The following PLCG2 variants were observed in gnomAD, a reference collection of about 807,000 sequenced individuals.
PLCG2 encodes phospholipase C gamma 2.
A neutral mutation model predicts 175.6 loss-of-function variants in PLCG2; 69 were observed. That is an observed-to-expected ratio of 0.39 (90% CI 0.32 to 0.48). The LOEUF (loss-of-function observed/expected upper bound fraction) is 0.48, where lower values mean the gene tolerates loss of function less well. PLCG2 is among the 20% of genes least tolerant of loss of function. PLCG2 has a pLI of 0.91. For synonymous variants in PLCG2, 827 were observed against 624.0 expected, an observed-to-expected ratio of 1.33 and a Z score of -4.85; for missense variants, 1,798 against 1,650.9, an observed-to-expected ratio of 1.09 and a Z score of -1.54.
At chr16:81,774,271 G>A (rs1431390567) in intron 2 of PLCG2, among the ~76,000 whole-genome samples, 1 of 149,520 alleles carries the variant, frequency 6.7e-6, no homozygotes, top group Non-Finnish European at 1.5e-5. Flanking sequence ...AATCACTTGA[G>A]CCCAGGAGGC....
In PLCG2 at chr16:81,905,385, T is replaced by C. The variant is rs557594864; in HGVS notation, c.1363-18T>C. ...TGGGTCTCCATGGAGACAGCCTATG[T>C]ATATGTTTTCCCCTCAGCATAAGAA... On this transcript the variant is annotated intron_variant, in intron 14 of 32. Transcript: ENST00000564138. The C allele has an allele frequency of 1.9e-6, 3 of 1,580,890 alleles. No homozygotes were observed. The highest frequency in any genetic ancestry group is 4.5e-5 in the East Asian group (2 of 44,694).
At chr16:81,759,851 G>T (rs557192043) in intron 2 of PLCG2, among the ~76,000 whole-genome samples, 1 of 152,376 alleles carries the variant, frequency 6.6e-6, no homozygotes, top group East Asian at 1.9e-4. Flanking sequence ...TGTAGGCCGG[G>T]CGTGGTGGCT....
intron 2 of PLCG2, among the ~76,000 whole-genome samples, chr16:81,789,983 G>C (rs1911159204): frequency 6.6e-6 from 1 of 152,174 alleles, no homozygotes; most frequent in African/African-American, 2.4e-5. Flanking sequence ...GAGCAGTCTG[G>C]GGCTTGACTT....
intron 25 of PLCG2, among the ~76,000 whole-genome samples, chr16:81,933,833 A>T (rs1410507905): frequency 6.6e-6 from 1 of 152,172 alleles, no homozygotes; most frequent in Non-Finnish European, 1.5e-5. Context: ...CTTTGGGGTG[A>T]AGTGAGAAGC....
At chr16:81,747,260 C>T (rs951491384) in intron 1 of PLCG2, among the ~76,000 whole-genome samples, 12 of 152,138 alleles carry the variant, frequency 7.9e-5, no homozygotes, top group African/African-American at 1.9e-4. Context: ...TGGGACTGGG[C>T]GCGGTGGCTC....
intron 2 of PLCG2, among the ~76,000 whole-genome samples, chr16:81,813,741 C>T (rs956155181): frequency 5.3e-5 from 8 of 149,718 alleles, no homozygotes; most frequent in African/African-American, 9.8e-5. Flanking sequence ...CTTTCTGGGC[C>T]ACCAGTGTTC....
intron 7 of PLCG2, among the ~76,000 whole-genome samples, chr16:81,879,443 A>G (rs1181898474): frequency 6.6e-6 from 1 of 152,114 alleles, no homozygotes; most frequent in East Asian, 1.9e-4. Context: ...TTTTGGTGGG[A>G]CCTACTCCTT....
At chr16:81,950,669 G>A (rs1186360087) in intron 31 of PLCG2, among the ~76,000 whole-genome samples, 1 of 152,140 alleles carries the variant, frequency 6.6e-6, no homozygotes, top group East Asian at 1.9e-4. Context: ...GTCATTGGCT[G>A]TAACTGGACT....
intron 2 of PLCG2, among the ~76,000 whole-genome samples, chr16:81,849,367 C>T (rs927661907): frequency 1.3e-5 from 2 of 152,120 alleles, no homozygotes; most frequent in African/African-American, 4.8e-5. Flanking sequence ...TAAAATCTGG[C>T]TATTGCTGGA....
chr16:81,756,343 C>T (rs1382742082), intron 2 of PLCG2, among the ~76,000 whole-genome samples: 2 of 152,202 alleles, frequency 1.3e-5, no homozygotes, highest in Non-Finnish European at 2.9e-5. Flanking sequence ...TAGTATATGC[C>T]AGTCACTGAC....
intron 31 of PLCG2, among the ~76,000 whole-genome samples, chr16:81,953,300 T>G (rs1259917789): frequency 6.6e-6 from 1 of 152,120 alleles, no homozygotes; most frequent in Non-Finnish European, 1.5e-5. Flanking sequence ...GTTTTAGTAT[T>G]GCACCGATAT....
intron 20 of PLCG2, among the ~76,000 whole-genome samples, 175 bp downstream of exon 20, chr16:81,919,839 G>A (rs574132969): frequency 2.0e-5 from 3 of 152,310 alleles, no homozygotes; most frequent in East Asian, 3.9e-4. Flanking sequence ...TTATAGTGTA[G>A]TGTTGGGGAG....
At chr16:81,883,189 GC>G in intron 8 of PLCG2, 79 bp from the exon 9 acceptor site, 2 of 1,247,112 alleles carry the variant, frequency 1.6e-6, no homozygotes. Flanking sequence ...GTGGCAGGCT[GC>G]CCCATTGGCT....
intron 2 of PLCG2, among the ~76,000 whole-genome samples, chr16:81,816,719 C>G (rs1253414595): frequency 8.6e-6 from 1 of 116,658 alleles, no homozygotes; most frequent in Non-Finnish European, 1.6e-5. Flanking sequence ...CTAGGCTGGT[C>G]TTAAACTCCT....
chr16:81,774,851 C>A (rs1316242359), upstream of PLCG2, among the ~76,000 whole-genome samples: 1 of 151,478 alleles, frequency 6.6e-6, no homozygotes, highest in East Asian at 1.9e-4. Flanking sequence ...CTTAAGTGAT[C>A]CTCTTGCCTC....
chr16:81,900,098 G>T (rs1022834660), intron 13 of PLCG2, among the ~76,000 whole-genome samples: 6 of 31,140 alleles, frequency 1.9e-4, no homozygotes, highest in African/African-American at 4.0e-4. Context: ...AATAATAAAT[G>T]TATGCATGCA....
intron 2 of PLCG2, among the ~76,000 whole-genome samples, chr16:81,764,806 G>A (rs1035222087): frequency 6.6e-6 from 1 of 152,192 alleles, no homozygotes; most frequent in Non-Finnish European, 1.5e-5. Flanking sequence ...CTAAATTGAT[G>A]AGGCTGGGTG....
intron 2 of PLCG2, among the ~76,000 whole-genome samples, chr16:81,796,804 G>A (rs958350306): frequency 2.0e-5 from 3 of 152,142 alleles, no homozygotes; most frequent in East Asian, 3.8e-4. Flanking sequence ...AACCAGCCTC[G>A]CCAACACTTT....
At chr16:81,884,049 C>T (rs569304169) in intron 9 of PLCG2, among the ~76,000 whole-genome samples, 1 of 152,192 alleles carries the variant, frequency 6.6e-6, no homozygotes. Context: ...CCCCCTACCC[C>T]CCAGCGAAGA....
Sources: allele counts gnomAD v4.1 joint callset (sites outside exome capture counted in the v4.1 genomes callset), GRCh38; gene constraint gnomAD v4.1.1; transcripts MANE v1.5; gene names NCBI Gene and HGNC (gene_info 2026-07-23, HGNC 2026-07-21).